Variants in ATP8B4 observed in about 807,000 individuals in gnomAD.
The protein encoded by ATP8B4 is probable phospholipid-transporting ATPase IM.
In ATP8B4, 133 loss-of-function variants were observed where a neutral mutation model predicts 145.6. The ratio of observed to expected loss-of-function variants is 0.91; its 90% CI spans 0.79 to 1.05. The LOEUF is 1.05. ATP8B4 is among the 50% of genes least tolerant of loss of function. The pLI, the probability that ATP8B4 is intolerant of heterozygous loss-of-function variation, is 0.00. For synonymous variants in ATP8B4, 507 were observed against 492.9 expected, an observed-to-expected ratio of 1.03 and a Z score of -0.38; for missense variants, 1,458 against 1,425.2, an observed-to-expected ratio of 1.02 and a Z score of -0.37.
chr15:50,165,173 T>C (rs2414031), intron 1 of ATP8B4, among the ~76,000 whole-genome samples: 100,183 of 151,848 alleles, frequency 0.66, 33,360 homozygotes, highest in East Asian at 0.94. Context: ...CCTCAGCCTC[T>C]CAAGTAGCTG....
At chr15:49,912,801 A>T (rs2039366535) in intron 20 of ATP8B4, among the ~76,000 whole-genome samples, 1 of 152,146 alleles carries the variant, frequency 6.6e-6, no homozygotes. Context: ...GTCCAACAGC[A>T]GGCTTGAGTG....
At chr15:50,109,395 G>A (rs534554766) in intron 1 of ATP8B4, among the ~76,000 whole-genome samples, 4 of 152,220 alleles carry the variant, frequency 2.6e-5, no homozygotes, top group Admixed American at 2.6e-4. Flanking sequence ...AAACAAAATT[G>A]TTTTTGTTTC....
chr15:50,028,809 C>T (rs111385825), intron 6 of ATP8B4, among the ~76,000 whole-genome samples: 5 of 152,150 alleles, frequency 3.3e-5, no homozygotes, highest in African/African-American at 9.6e-5. Context: ...AGTGAAAGAA[C>T]GAACAAATGA....
At position 50,106,978 on chromosome 15, in the gene ATP8B4, A is replaced by T. The variant is rs764631051; in HGVS notation, c.-12T>A. ...TCACTGCAGAACATTATTATACCTGATCTTTCACCAGGTCTCAACAGGTGG... is the reference window on the plus strand; with the variant it reads ...TCACTGCAGAACATTATTATACCTGTTCTTTCACCAGGTCTCAACAGGTGG... On this transcript the variant is annotated 5_prime_UTR_variant, in exon 2 of 28. Coordinates refer to ENST00000284509, the MANE Select transcript of ATP8B4 (RefSeq NM_024837.4). The T allele has an allele frequency of 6.3e-7, 1 of 1,586,194 alleles. No individual in the cohort carries two copies. The highest frequency in any genetic ancestry group is 8.6e-7 in the Non-Finnish European group (1 of 1,168,218).
intron 3 of ATP8B4, among the ~76,000 whole-genome samples, chr15:50,072,960 CTCTCTCTCTCTCTCTCTCTCTATA>C (rs2053875987): frequency 1.2e-4 from 4 of 33,318 alleles, no homozygotes; most frequent in East Asian, 1.1e-3. Flanking sequence ...CTCTCTCTCT[CTCTCTCTCTCTCTCTCTCTCTATA>C]TATATATATA....
chr15:49,890,960 A>T (rs1444841298), intron 23 of ATP8B4, among the ~76,000 whole-genome samples: 1 of 152,224 alleles, frequency 6.6e-6, no homozygotes. Flanking sequence ...CAATACTGCT[A>T]AGTAAGCTCC....
At chr15:50,074,725 C>A (rs986930689) in intron 2 of ATP8B4, among the ~76,000 whole-genome samples, 42 of 152,050 alleles carry the variant, frequency 2.8e-4, no homozygotes, top group Non-Finnish European at 1.5e-5. Context: ...TGGAAGTGAC[C>A]AAAGAATAAA....
chr15:50,164,551 G>A (rs569472333), intron 1 of ATP8B4, among the ~76,000 whole-genome samples: 1 of 152,212 alleles, frequency 6.6e-6, no homozygotes, highest in Non-Finnish European at 1.5e-5. Flanking sequence ...TCTCTCTACT[G>A]TACTGCCTGG....
At chr15:50,009,981 G>A (rs776101963) in intron 7 of ATP8B4, among the ~76,000 whole-genome samples, 3 of 152,110 alleles carry the variant, frequency 2.0e-5, no homozygotes, top group Non-Finnish European at 4.4e-5. Flanking sequence ...TACACAGATG[G>A]TGCATTAATG....
chr15:50,029,246 A>AAAAAAAAAAAAAAAAAAAAAAAAC, intron 6 of ATP8B4, among the ~76,000 whole-genome samples: 1 of 149,292 alleles, frequency 6.7e-6, no homozygotes, highest in East Asian at 1.9e-4. Flanking sequence ...CTTAAAAAAA[A>AAAAAAAAAAAAAAAAAAAAAAAAC]AAAAAAAAAA....
chr15:50,081,173 A>C (rs1215919568), intron 2 of ATP8B4, among the ~76,000 whole-genome samples: 2 of 151,920 alleles, frequency 1.3e-5, no homozygotes, highest in Non-Finnish European at 2.9e-5. Flanking sequence ...TTGAGACAAC[A>C]AGAGCCAATG....
chr15:50,134,123 T>C (rs1354551246), intron 1 of ATP8B4, among the ~76,000 whole-genome samples: 3 of 150,990 alleles, frequency 2.0e-5, no homozygotes, highest in African/African-American at 4.9e-5. Flanking sequence ...TCATAAATTA[T>C]ACCTCAGTAA....
chr15:50,156,043 C>A lies in ATP8B4; in HGVS notation c.-43+26218G>T, dbSNP rs75289240. Among the ~76,000 whole-genome samples the A allele has an allele frequency of 6.7e-3, 821 of 122,720 alleles. 16 individuals carry two copies. The highest frequency in any genetic ancestry group is 0.024 in the African/African-American group (796 of 32,958). 80.5% of individuals were successfully genotyped at this position (122,720 alleles called of 152,430 possible). ...AAAAAAAACAAAATCTCCTAATAGC[C>A]CTGAATTCTTGGTAATAAATAAATA... On this transcript the variant is annotated intron_variant, in intron 1 of 3. Transcript: ENST00000558829.
chr15:49,893,122 G>T (rs1341132527), intron 23 of ATP8B4, among the ~76,000 whole-genome samples: 1 of 152,200 alleles, frequency 6.6e-6, no homozygotes, highest in African/African-American at 2.4e-5. Context: ...ATATACTTTT[G>T]ATTGTAAAGA....
chr15:49,997,401 C>T (rs2047516679), intron 8 of ATP8B4, among the ~76,000 whole-genome samples: 3 of 152,072 alleles, frequency 2.0e-5, no homozygotes, highest in South Asian at 2.1e-4. Context: ...CCATCACTTA[C>T]GTCTTGTTTT....
At chr15:50,034,495 C>T (rs2050689598) in intron 6 of ATP8B4, among the ~76,000 whole-genome samples, 2 of 152,160 alleles carry the variant, frequency 1.3e-5, no homozygotes, top group Non-Finnish European at 2.9e-5. Context: ...TCCCAAAGTG[C>T]TGGGTTTATG....
intron 20 of ATP8B4, among the ~76,000 whole-genome samples, chr15:49,909,510 A>C (rs1026884125): frequency 1.3e-5 from 2 of 152,088 alleles, no homozygotes; most frequent in Admixed American, 1.3e-4. Flanking sequence ...TGGTGGCCCA[A>C]GAATCATCCC....
chr15:49,987,315 C>T, intron 10 of ATP8B4, 76 bp downstream of exon 10: 2 of 1,504,840 alleles, frequency 1.3e-6, no homozygotes, highest in Non-Finnish European at 1.8e-6. Context: ...CATCAGAACA[C>T]AGAGAATCAT....
At chr15:50,011,658 T>A (rs964295312) in intron 6 of ATP8B4, among the ~76,000 whole-genome samples, 1 of 152,154 alleles carries the variant, frequency 6.6e-6, no homozygotes, top group Non-Finnish European at 1.5e-5. Context: ...GATGACAAGT[T>A]AGTCAGGGCT....
Sources: gnomAD v4.1 joint callset for allele counts (sites outside exome capture counted in the v4.1 genomes callset) on GRCh38, gnomAD v4.1.1 for gene constraint, MANE v1.5 for transcripts, NCBI Gene and HGNC (gene_info 2026-07-23, HGNC 2026-07-21) for gene names.